Variants in DCTD observed in about 807,000 individuals in gnomAD.
DCTD encodes the protein dCMP deaminase.
A neutral mutation model predicts 21.0 loss-of-function variants in DCTD; 23 were observed. That is an observed-to-expected ratio of 1.09 (90% CI 0.79 to 1.55). The LOEUF (loss-of-function observed/expected upper bound fraction) is 1.55. Among genes scored for constraint, DCTD ranks in the 40% most tolerant of loss-of-function variants. The pLI is 0.00. For missense variants in DCTD, 224 were observed against 230.0 expected (o/e 0.97, Z 0.17); for synonymous variants, 71 against 81.1 (o/e 0.88, Z 0.67).
rs531128630 is a variant in DCTD at position 182,915,401 on chromosome 4, C to T, written c.108+60G>A. On this transcript the variant is annotated intron_variant, in intron 2 of 5. Transcript: ENST00000438320. ...GTCCACTGAGTCTCCCCTTTCTGCT[C>T]ATGTGCAGTAATCTCTTTGCCTGTG... 92 of 1,138,742 alleles carry T rather than the reference C, an allele frequency of 8.1e-5. 1 individual carries two copies. The African/African-American group carries it at 1.3e-3, about 17-fold the overall frequency. The allele number at this position is 1,138,742 out of a possible 1,614,324, so 70.5% of individuals were successfully genotyped here. A position where few individuals can be genotyped will look rare whatever the true frequency, so the allele number is the denominator to read the frequency against.
rs72705934 is a variant in DCTD, at chr4:182,890,232, T to A, written c.*1167A>T. The stretch of plus-strand genomic sequence containing the variant: ...ATATAAGAGCACTTTAAAAAGGTAA[T>A]AATCTTTAGGATAAAGAAAGCCTTT... On this transcript the variant is annotated 3_prime_UTR_variant, in exon 6 of 6. Coordinates refer to ENST00000438320, the MANE Select transcript of DCTD (RefSeq NM_001921.3). 4 of 152,124 alleles carry A rather than the reference T, an allele frequency of 2.6e-5. No homozygotes were observed. The highest frequency in any genetic ancestry group is 5.9e-5 in the Non-Finnish European group (4 of 68,020). 9.4% of individuals were successfully genotyped at this position (152,124 alleles called of 1,614,324 possible). A position where few individuals can be genotyped will look rare whatever the true frequency, so the allele number is the denominator to read the frequency against.
intron 3 of DCTD, among the ~76,000 whole-genome samples, chr4:182,907,874 G>A (rs34691926): frequency 0.11 from 16,403 of 152,142 alleles, 1,287 homozygotes; most frequent in African/African-American, 0.22. Context: ...GCCTCTAACA[G>A]CCCCACAGTC....
At chr4:182,892,338 T>TA (rs1392278140) in intron 5 of DCTD, among the ~76,000 whole-genome samples, 2 of 152,208 alleles carry the variant, frequency 1.3e-5, no homozygotes, top group African/African-American at 4.8e-5. Flanking sequence ...AAGATAATCA[T>TA]AAAAATCTGT....
chr4:182,898,222 G>A (rs1401448292), intron 3 of DCTD, among the ~76,000 whole-genome samples: 1 of 152,216 alleles, frequency 6.6e-6, no homozygotes, highest in Non-Finnish European at 1.5e-5. Context: ...ACGAGCTCAT[G>A]CCTGCCCTGG....
chr4:182,897,545 C>T (rs1255477415), intron 3 of DCTD, among the ~76,000 whole-genome samples: 1 of 151,436 alleles, frequency 6.6e-6, no homozygotes, highest in Admixed American at 6.6e-5. Context: ...TATAAAGCTA[C>T]TGGGCAATAT....
intron 3 of DCTD, among the ~76,000 whole-genome samples, chr4:182,900,950 CTG>C (rs1275880262): frequency 6.6e-6 from 1 of 150,824 alleles, no homozygotes; most frequent in Non-Finnish European, 1.5e-5. Flanking sequence ...AATTAGAAAA[CTG>C]TATTTTTCAA....
chr4:182,892,558 A>G (rs566694982), intron 5 of DCTD, among the ~76,000 whole-genome samples: 120 of 152,078 alleles, frequency 7.9e-4, no homozygotes, highest in African/African-American at 2.8e-3. Flanking sequence ...GAACCTGAGA[A>G]GCGGAGGTTG....
intron 3 of DCTD, among the ~76,000 whole-genome samples, chr4:182,897,986 G>A (rs924849688): frequency 6.6e-6 from 1 of 152,232 alleles, no homozygotes; most frequent in African/African-American, 2.4e-5. Flanking sequence ...GGCCTGTCCT[G>A]AGGAGACAGG....
chr4:182,898,465 A>T (rs1298902010), intron 3 of DCTD, among the ~76,000 whole-genome samples: 2 of 152,254 alleles, frequency 1.3e-5, no homozygotes, highest in African/African-American at 4.8e-5. Flanking sequence ...AATTTAAAAA[A>T]TACCAAGTAC....
chr4:182,915,586 A>T lies in DCTD; in HGVS notation c.-7-11T>A. The stretch of plus-strand genomic sequence containing the variant: ...TCACTCATGTTGGGTCTAGAAGAAA[A>T]ACATGACAAAACAGAAGTTGAGAGA... On this transcript the variant is annotated splice_polypyrimidine_tract_variant and intron_variant, in intron 1 of 5. Transcript: ENST00000438320. The T allele has an allele frequency of 1.3e-6, 2 of 1,522,454 alleles. No homozygotes were observed. The highest frequency in any genetic ancestry group is 1.8e-6 in the Non-Finnish European group (2 of 1,096,480). The allele number at this position is 1,522,454 out of a possible 1,614,324, so 94.3% of individuals were successfully genotyped here. A position where few individuals can be genotyped will look rare whatever the true frequency, so the allele number is the denominator to read the frequency against.
At chr4:182,893,638 G>A (rs1316675200) in intron 4 of DCTD, among the ~76,000 whole-genome samples, 5 of 152,360 alleles carry the variant, frequency 3.3e-5, no homozygotes, top group Middle Eastern at 3.4e-3. Flanking sequence ...CAAGGGCCCC[G>A]CACTGAAGGC....
intron 3 of DCTD, among the ~76,000 whole-genome samples, chr4:182,907,152 G>C (rs1233236511): frequency 6.6e-6 from 1 of 151,704 alleles, no homozygotes; most frequent in Non-Finnish European, 1.5e-5. Flanking sequence ...TAATTTTTTT[G>C]AGACAGGGTC....
intron 4 of DCTD, 86 bp downstream of exon 4, chr4:182,894,403 C>G (rs1160513550): frequency 2.3e-5 from 18 of 783,096 alleles, no homozygotes; most frequent in Non-Finnish European, 3.8e-5. Flanking sequence ...TAAACAATAG[C>G]AATTTAAGAT....
At chr4:182,897,786 C>G (rs759197740) in intron 3 of DCTD, among the ~76,000 whole-genome samples, 26 of 152,202 alleles carry the variant, frequency 1.7e-4, no homozygotes, top group Non-Finnish European at 2.8e-4. Flanking sequence ...AGGAGAGAAG[C>G]CCCAACCCAG....
rs146342673 is a variant in DCTD, at chr4:182,916,422, G to T, written c.-7-847C>A. ...AACACAAAAACGGGGTGGGTACCAC[G>T]GAGAAATCTTGAGAAAGGCGAGGAA... On this transcript the variant is annotated intron_variant, in intron 1 of 5. Coordinates refer to ENST00000438320, the MANE Select transcript of DCTD (RefSeq NM_001921.3). The T allele has an allele frequency of 9.1e-5, 90 of 985,590 alleles. No individual in the cohort carries two copies. The African/African-American group carries it at 1.4e-3, about 16-fold the overall frequency. The allele number at this position is 985,590 out of a possible 1,614,324, so 61.1% of individuals were successfully genotyped here.
chr4:182,901,687 A>C (rs1246111800), intron 3 of DCTD, among the ~76,000 whole-genome samples: 1 of 152,018 alleles, frequency 6.6e-6, no homozygotes, highest in Non-Finnish European at 1.5e-5. Flanking sequence ...GGTGGGAAGC[A>C]TCACCCTCTA....
At position 182,917,180 on chromosome 4, in the gene DCTD, C is replaced by T. The variant is rs1738890079; in HGVS notation, c.-8+131G>A. The T allele has an allele frequency of 2.0e-6, 2 of 990,512 alleles. No homozygotes were observed. Among genetic ancestry groups the T allele is most frequent in the Non-Finnish European group, 2.4e-6 (2 of 833,872 alleles). 61.4% of individuals were successfully genotyped at this position (990,512 alleles called of 1,614,324 possible). ...ATCTAAAGGCTGAGCGCGGCCGAGGCGCCCCCAGCGTCCGCGGCCCCAGGC... is the reference window on the plus strand; with the variant it reads ...ATCTAAAGGCTGAGCGCGGCCGAGGTGCCCCCAGCGTCCGCGGCCCCAGGC... On this transcript the variant is annotated intron_variant, in intron 1 of 5. Coordinates refer to ENST00000438320, the MANE Select transcript of DCTD (RefSeq NM_001921.3). The surrounding 1 kb of genome is among the most constrained non-coding windows in gnomAD (Gnocchi z 4.9).
chr4:182,916,977 C>T (rs1214138467), intron 1 of DCTD: 2 of 991,338 alleles, frequency 2.0e-6, no homozygotes, highest in Admixed American at 6.1e-5. Context: ...AGGGCCTACA[C>T]CCGGCATTCC....
At chr4:182,891,877 C>T (rs1465558246) in intron 5 of DCTD, among the ~76,000 whole-genome samples, 1 of 150,544 alleles carries the variant, frequency 6.6e-6, no homozygotes, top group Non-Finnish European at 1.5e-5. Context: ...TCTTTTGCCG[C>T]TTATATATAG....
Sources: gnomAD v4.1 joint callset for allele counts (sites outside exome capture counted in the v4.1 genomes callset) on GRCh38, gnomAD v4.1.1 for gene constraint, Gnocchi (gnomAD v3.1) non-coding constraint, MANE v1.5 for transcripts, NCBI Gene and HGNC (gene_info 2026-07-23, HGNC 2026-07-21) for gene names.